Variants in SPATA3 observed in about 807,000 individuals in gnomAD.
SPATA3 encodes the protein spermatogenesis-associated protein 3.
In SPATA3, 6 loss-of-function variants were observed where a neutral mutation model predicts 5.7. The ratio of observed to expected loss-of-function variants is 1.06; its 90% CI spans 0.58 to 2.09. The LOEUF (loss-of-function observed/expected upper bound fraction) is 2.09. SPATA3 is among the 30% of genes most tolerant of loss of function. SPATA3 has a pLI of 0.00. For synonymous variants in SPATA3, 44 were observed against 48.4 expected (o/e 0.91, Z 0.37); for missense variants, 155 against 130.4 (o/e 1.19, Z -0.92).
intron 6 of SPATA3, among the ~76,000 whole-genome samples, chr2:231,019,394 G>T (rs879274257): frequency 6.9e-6 from 1 of 144,146 alleles, no homozygotes; most frequent in Non-Finnish European, 1.5e-5. Flanking sequence ...TGCGATCTCA[G>T]CTCACTGCAA....
intron 2 of SPATA3, among the ~76,000 whole-genome samples, chr2:231,001,378 C>T (rs534005484): frequency 2.0e-3 from 305 of 152,210 alleles, no homozygotes; most frequent in Non-Finnish European, 2.7e-3. Flanking sequence ...CACACCCCCA[C>T]CCCAGGAACT....
At chr2:231,018,499 G>C (rs150029910) in intron 6 of SPATA3, among the ~76,000 whole-genome samples, 1 of 151,554 alleles carries the variant, frequency 6.6e-6, no homozygotes, top group African/African-American at 2.4e-5. Flanking sequence ...CTCATAGTTT[G>C]TGTGGTCCCT....
chr2:231,017,189 C>G (rs984977516), intron 6 of SPATA3, among the ~76,000 whole-genome samples: 3 of 152,204 alleles, frequency 2.0e-5, no homozygotes, highest in Non-Finnish European at 2.9e-5. Flanking sequence ...CTCCATCTGG[C>G]TTAGACAATA....
intron 6 of SPATA3, among the ~76,000 whole-genome samples, chr2:231,019,159 CG>C (rs1559204004): frequency 6.7e-6 from 1 of 149,276 alleles, no homozygotes; most frequent in Admixed American, 6.7e-5. Context: ...TTAGTAGAGA[CG>C]GGGTTTCACC....
intron 6 of SPATA3, among the ~76,000 whole-genome samples, chr2:231,019,536 G>C (rs947833094): frequency 2.7e-5 from 4 of 149,854 alleles, no homozygotes; most frequent in African/African-American, 9.8e-5. Flanking sequence ...GTGTTAGCCG[G>C]GATGGTCTCG....
chr2:231,013,489 A>ATT (rs574764501), intron 5 of SPATA3, among the ~76,000 whole-genome samples: 1 of 145,084 alleles, frequency 6.9e-6, no homozygotes, highest in Non-Finnish European at 1.5e-5. Context: ...CAGTTTTTAG[A>ATT]TTTTTTTTTT....
intron 5 of SPATA3, among the ~76,000 whole-genome samples, chr2:231,013,406 G>A (rs4973365): frequency 0.23 from 35,041 of 151,996 alleles, 4,562 homozygotes; most frequent in Admixed American, 0.33. Context: ...TTATTTCTGA[G>A]AAGTATTTCA....
At chr2:231,001,069 C>T (rs1462892458) in intron 2 of SPATA3, among the ~76,000 whole-genome samples, 2 of 152,210 alleles carry the variant, frequency 1.3e-5, no homozygotes, top group African/African-American at 2.4e-5. Flanking sequence ...CTGTGCTGGG[C>T]TCTTTCTGGG....
At chr2:231,006,580 A>G (rs191546765), downstream of SPATA3, 30 of 152,262 alleles carry the variant, frequency 2.0e-4, no homozygotes, top group African/African-American at 6.5e-4. Flanking sequence ...ACTTTAGCCA[A>G]TGAAAGCTGC....
downstream of SPATA3, among the ~76,000 whole-genome samples, chr2:231,008,087 T>C (rs928541306): frequency 2.6e-5 from 4 of 152,042 alleles, no homozygotes; most frequent in African/African-American, 9.7e-5. Flanking sequence ...GCAGTGGCCA[T>C]TGAGGGCAGC....
chr2:231,005,151 CCATCACCAT>C (rs1692518029), downstream of SPATA3, among the ~76,000 whole-genome samples: 1 of 67,680 alleles, frequency 1.5e-5, no homozygotes, highest in Non-Finnish European at 3.3e-5. Context: ...ACCACCATCA[CCATCACCAT>C]CACCATCATC....
At chr2:231,000,279 G>C (rs555222227) in intron 1 of SPATA3, 87 bp from the exon 2 acceptor site, 122 of 1,221,300 alleles carry the variant, frequency 1.0e-4, no homozygotes, top group Middle Eastern at 7.8e-4. Context: ...CCGTTGTGGG[G>C]GGCCTTCTCA....
At chr2:231,006,276 C>T (rs1384305453), downstream of SPATA3, among the ~76,000 whole-genome samples, 1 of 148,550 alleles carries the variant, frequency 6.7e-6, no homozygotes, top group Non-Finnish European at 1.5e-5. Flanking sequence ...CCGAGGCAGG[C>T]AGATCACAAG....
chr2:231,011,081 A>AAAAAAAAAAAG (rs1290156614), downstream of SPATA3, among the ~76,000 whole-genome samples: 3 of 145,932 alleles, frequency 2.1e-5, no homozygotes, highest in African/African-American at 8.0e-5. Flanking sequence ...TCAAAAAAAA[A>AAAAAAAAAAAG]AAAAAAAAGA....
chr2:231,017,241 A>G (rs60760164), intron 6 of SPATA3, among the ~76,000 whole-genome samples: 18,186 of 152,230 alleles, frequency 0.12, 1,749 homozygotes, highest in African/African-American at 0.26. Flanking sequence ...TCTAAAGATA[A>G]CACAGGCTTT....
chr2:231,002,605 T>C lies in SPATA3; in HGVS notation c.963-79T>C, dbSNP rs1692394470. ...TTCCTGCAATCCTGAGGGGGCCACA[T>C]AATTTCCACTTTCTCCTGTTCGTAG... is the stretch of plus-strand genomic sequence containing the variant. On this transcript the variant is annotated intron_variant, in intron 2 of 2. Transcript: ENST00000645363. 4.6e-6 allele frequency: 4 copies of C among 865,498 alleles called. 1 individual carries two copies. The South Asian group carries it at 9.7e-5, about 21-fold the overall frequency. The allele number at this position is 865,498 out of a possible 1,614,324, so 53.6% of individuals were successfully genotyped here.
chr2:231,001,409 C>T (rs139597359), intron 2 of SPATA3, among the ~76,000 whole-genome samples: 1 of 152,262 alleles, frequency 6.6e-6, no homozygotes, highest in Non-Finnish European at 1.5e-5. Context: ...AACCCCCATC[C>T]TTGTCCTGTT....
intron 1 of SPATA3, chr2:230,999,533 T>C (rs1393616528): frequency 1.3e-5 from 2 of 152,530 alleles, no homozygotes; most frequent in Non-Finnish European, 2.9e-5. Context: ...ACCTGTTTCA[T>C]GCAGCTTAGG....
chr2:231,016,506 CAAAAAAA>C (rs749712082), intron 6 of SPATA3, among the ~76,000 whole-genome samples: 3 of 70,080 alleles, frequency 4.3e-5, no homozygotes, highest in Non-Finnish European at 8.8e-5. Flanking sequence ...CCTGTCTCTA[CAAAAAAA>C]AAAAAAAAAA....
Sources: gnomAD v4.1 joint callset for allele counts (sites outside exome capture counted in the v4.1 genomes callset) on GRCh38, gnomAD v4.1.1 for gene constraint, MANE v1.5 for transcripts, NCBI Gene and HGNC (gene_info 2026-07-23, HGNC 2026-07-21) for gene names.